The following PDXDC1 variants were observed in gnomAD, a reference collection of about 807,000 sequenced individuals.
PDXDC1 encodes the protein pyridoxal-dependent decarboxylase domain-containing protein 1.
A neutral mutation model predicts 100.1 loss-of-function variants in PDXDC1; 42 were observed. The observed-to-expected ratio is 0.42, with a 90% CI of 0.33 to 0.54. The LOEUF (loss-of-function observed/expected upper bound fraction) is 0.54, where lower values mean the gene tolerates loss of function less well. Among genes scored for constraint, PDXDC1 ranks in the 20% least tolerant of loss-of-function variants. The pLI, the probability that PDXDC1 is intolerant of heterozygous loss-of-function variation, is 0.10. For missense variants in PDXDC1, 636 were observed against 979.2 expected, an observed-to-expected ratio of 0.65 and a Z score of 4.68; for synonymous variants, 260 against 371.7, an observed-to-expected ratio of 0.70 and a Z score of 3.46.
chr16:15,045,900 C>T (rs2044040524), intron 16 of PDXDC1: 1 of 152,208 alleles, frequency 6.6e-6, no homozygotes, highest in South Asian at 2.1e-4. Flanking sequence ...CAACATAGGG[C>T]ACAGCCTCAA....
At chr16:15,127,793 T>C (rs1189988337) in intron 16 of PDXDC1, 61 of 1,557,986 alleles carry the variant, frequency 3.9e-5, no homozygotes, top group Non-Finnish European at 4.9e-5. Context: ...GTGAAACAGC[T>C]ACGAGGCGGC....
At chr16:15,040,889 G>T (rs1316707993), downstream of PDXDC1, among the ~76,000 whole-genome samples, 1 of 152,114 alleles carries the variant, frequency 6.6e-6, no homozygotes, top group African/African-American at 2.4e-5. Flanking sequence ...AGTTTTATAG[G>T]TAAAGCTTAG....
At chr16:15,025,305 C>G (rs1339375954) in intron 13 of PDXDC1, 1 of 152,386 alleles carries the variant, frequency 6.6e-6, no homozygotes, top group Non-Finnish European at 1.5e-5. Flanking sequence ...TGGCACTCAC[C>G]TCATTCTGCC....
rs1240761686 is a variant in PDXDC1, at chr16:14,990,431, A to T, written c.22-7322A>T. ...TTGGCATTGCCCACAGCTATTGAGG[A>T]TAAGAAATGTGATGAAGAAAGTGGT... On this transcript the variant is annotated intron_variant, in intron 1 of 22. Transcript: ENST00000396410. Among the ~76,000 whole-genome samples the T allele has an allele frequency of 2.0e-5, 3 of 152,410 alleles. No individual in the cohort carries two copies. In the East Asian group the frequency reaches 5.8e-4, roughly 29 times the overall value.
intron 16 of PDXDC1, among the ~76,000 whole-genome samples, chr16:15,068,790 A>G (rs2045094066): frequency 6.6e-6 from 1 of 152,256 alleles, no homozygotes; most frequent in Non-Finnish European, 1.5e-5. Context: ...AAATTTAGAC[A>G]GAAACCACTT....
intron 16 of PDXDC1, among the ~76,000 whole-genome samples, chr16:15,070,432 G>A (rs9930661): frequency 0.014 from 2,121 of 151,732 alleles, 40 homozygotes; most frequent in African/African-American, 0.048. Flanking sequence ...GGGTGCGTAG[G>A]AAGACAACCT....
intron 16 of PDXDC1, chr16:15,125,834 G>T (rs768790937): frequency 1.5e-5 from 14 of 924,210 alleles, no homozygotes; most frequent in Non-Finnish European, 2.1e-5. Flanking sequence ...GTGGTCAGCG[G>T]GCGGCAGCTC....
downstream of PDXDC1, among the ~76,000 whole-genome samples, chr16:15,143,844 G>C (rs1012064580): frequency 3.3e-5 from 5 of 152,226 alleles, no homozygotes; most frequent in African/African-American, 4.8e-5. Context: ...ACCAGATGCT[G>C]AGTGGGGTCT....
At chr16:15,147,419 G>A in the PDXDC1 span, among the ~76,000 whole-genome samples, 1 of 152,238 alleles carries the variant, frequency 6.6e-6, no homozygotes, top group South Asian at 2.1e-4. Context: ...ATGAGACCAG[G>A]AGTGGCTGCA....
intron 16 of PDXDC1, among the ~76,000 whole-genome samples, chr16:15,084,287 T>A (rs996405108): frequency 6.7e-6 from 1 of 149,260 alleles, no homozygotes; most frequent in South Asian, 2.2e-4. Flanking sequence ...CCCACAAACC[T>A]GAAAAGCTTT....
chr16:15,100,847 G>C (rs368247681), intron 16 of PDXDC1, among the ~76,000 whole-genome samples: 1 of 152,100 alleles, frequency 6.6e-6, no homozygotes, highest in Non-Finnish European at 1.5e-5. Flanking sequence ...ATCAGCCATA[G>C]TGTTGGTGTG....
At position 15,038,151 on chromosome 16, in the gene PDXDC1, G is replaced by C. The variant is rs1268115247; in HGVS notation, c.*1876G>C. On this transcript the variant is annotated 3_prime_UTR_variant, in exon 23 of 23. Transcript: ENST00000396410. Reference sequence around the variant, plus strand: ...ATGGGTGTTTTTTTAAAAACATCAAGGTAGATCTAATATGTTCAACAAAGT... The same window carrying C: ...ATGGGTGTTTTTTTAAAAACATCAACGTAGATCTAATATGTTCAACAAAGT... 1.2e-6 allele frequency: 2 copies of C among 1,612,998 alleles called. No individual in the cohort carries two copies. The highest frequency in any genetic ancestry group is 2.2e-5 in the South Asian group (2 of 91,046).
intron 1 of PDXDC1, among the ~76,000 whole-genome samples, chr16:14,979,574 G>A (rs1967483409): frequency 1.3e-5 from 2 of 152,286 alleles, no homozygotes; most frequent in South Asian, 2.1e-4. Context: ...ACAGGCATGA[G>A]CTACTGTGCC....
chr16:14,993,947 A>C (rs1371643473), intron 1 of PDXDC1, among the ~76,000 whole-genome samples: 1 of 152,292 alleles, frequency 6.6e-6, no homozygotes. Context: ...TCTTCTTTTG[A>C]GAAGTGTCTG....
chr16:15,136,094 G>T, intron 16 of PDXDC1: 4 of 1,581,426 alleles, frequency 2.5e-6, no homozygotes, highest in Non-Finnish European at 3.4e-6. Context: ...ACCTCCACCC[G>T]CTGCACAGTC....
chr16:15,137,356 A>T (rs1293256787), intron 16 of PDXDC1: 2 of 1,465,836 alleles, frequency 1.4e-6, no homozygotes, highest in Admixed American at 2.0e-5. Flanking sequence ...AGGAGGCACT[A>T]GAGGGCTGGG....
intron 16 of PDXDC1, chr16:15,125,564 C>T: frequency 6.4e-7 from 1 of 1,556,870 alleles, no homozygotes; most frequent in Non-Finnish European, 8.8e-7. Context: ...TTAGAATCAT[C>T]CAGAAACAAG....
chr16:15,062,043 G>A, intron 16 of PDXDC1: 1 of 803,150 alleles, frequency 1.2e-6, no homozygotes, highest in Non-Finnish European at 1.9e-6. Context: ...AGCCAGTGTA[G>A]TGGCACACGC....
At chr16:15,112,381 G>C (rs894664742) in intron 16 of PDXDC1, among the ~76,000 whole-genome samples, 3 of 146,518 alleles carry the variant, frequency 2.0e-5, no homozygotes, top group African/African-American at 7.4e-5. Context: ...ACCATGCCTG[G>C]CTAATTTTTG....
Sources: gnomAD v4.1 joint callset for allele counts (sites outside exome capture counted in the v4.1 genomes callset) on GRCh38, gnomAD v4.1.1 for gene constraint, MANE v1.5 for transcripts, NCBI Gene and HGNC (gene_info 2026-07-23, HGNC 2026-07-21) for gene names.